The following RASGEF1A variants were observed in gnomAD, a reference collection of about 807,000 sequenced individuals.
RASGEF1A encodes RasGEF domain family member 1A, also known as ras-GEF domain-containing family member 1A.
RASGEF1A carries 18 observed loss-of-function variants against 56.4 expected under a neutral mutation model. That is an observed-to-expected ratio of 0.32 (90% CI 0.22 to 0.47). RASGEF1A has a LOEUF of 0.47. Ranked by LOEUF, RASGEF1A falls within the 20% of genes least tolerant of loss-of-function variation. The pLI, the probability that RASGEF1A is intolerant of heterozygous loss-of-function variation, is 1.00. For synonymous variants in RASGEF1A, 245 were observed against 242.6 expected (o/e 1.01, Z -0.09); for missense variants, 422 against 627.1 (o/e 0.67, Z 3.49).
chr10:43,243,378 C>T (rs1318697801), intron 1 of RASGEF1A, among the ~76,000 whole-genome samples: 2 of 150,682 alleles, frequency 1.3e-5, no homozygotes, highest in Non-Finnish European at 3.0e-5. Flanking sequence ...GCTGCCCCGT[C>T]CGGGAGGTGA....
At chr10:43,197,386 G>T (rs1384624722) in intron 10 of RASGEF1A, among the ~76,000 whole-genome samples, 1 of 152,228 alleles carries the variant, frequency 6.6e-6, no homozygotes, top group East Asian at 1.9e-4. Flanking sequence ...AGGCCCCACT[G>T]ATAACTCCAG....
chr10:43,253,204 C>T (rs1347271906), intron 1 of RASGEF1A, among the ~76,000 whole-genome samples: 1 of 152,238 alleles, frequency 6.6e-6, no homozygotes, highest in Non-Finnish European at 1.5e-5. Context: ...CCCCCACCAC[C>T]TCATCCTGAT....
At chr10:43,256,426 A>C (rs1836406683) in intron 1 of RASGEF1A, among the ~76,000 whole-genome samples, 1 of 152,214 alleles carries the variant, frequency 6.6e-6, no homozygotes, top group Non-Finnish European at 1.5e-5. Flanking sequence ...GAACAGGAAC[A>C]GGAACCTCAG....
At chr10:43,200,282 G>A (rs769781583) in intron 5 of RASGEF1A, 26 bp from the exon 6 acceptor site, 2 of 1,580,132 alleles carry the variant, frequency 1.3e-6, no homozygotes, top group East Asian at 2.3e-5. Context: ...GCAAAGGGAA[G>A]GTGACAAGCT....
intron 1 of RASGEF1A, among the ~76,000 whole-genome samples, chr10:43,255,962 G>A: frequency 6.6e-6 from 1 of 152,206 alleles, no homozygotes; most frequent in Non-Finnish European, 1.5e-5. Context: ...TCCCCTGGTT[G>A]CCAACAATGC....
intron 1 of RASGEF1A, among the ~76,000 whole-genome samples, chr10:43,260,594 G>A (rs185268684): frequency 3.8e-4 from 58 of 152,154 alleles, no homozygotes; most frequent in Middle Eastern, 3.4e-3. Context: ...GCTAGGGTCC[G>A]CCCCCCTCTC....
At chr10:43,228,095 C>A (rs909472357) in intron 1 of RASGEF1A, among the ~76,000 whole-genome samples, 3 of 152,192 alleles carry the variant, frequency 2.0e-5, no homozygotes, top group African/African-American at 7.2e-5. Context: ...GTCACCCCCA[C>A]TGGCTCCCCC....
intron 1 of RASGEF1A, among the ~76,000 whole-genome samples, chr10:43,230,029 T>C (rs1429039686): frequency 6.6e-6 from 1 of 151,176 alleles, no homozygotes; most frequent in African/African-American, 2.4e-5. Flanking sequence ...GGACGGGGCG[T>C]CCGGGATCGG....
intron 4 of RASGEF1A, among the ~76,000 whole-genome samples, chr10:43,201,433 G>C (rs1226964270): frequency 6.6e-6 from 1 of 152,182 alleles, no homozygotes; most frequent in African/African-American, 2.4e-5. Context: ...TTGAAAAATG[G>C]GAGACCGGTT....
At chr10:43,233,235 T>C (rs746606064) in intron 1 of RASGEF1A, among the ~76,000 whole-genome samples, 4 of 152,228 alleles carry the variant, frequency 2.6e-5, no homozygotes, top group African/African-American at 9.6e-5. Context: ...CTTTGTTTTG[T>C]TGACTGCTAC....
rs1300788412 is a variant in RASGEF1A, at chr10:43,196,132, A to G, written c.*112T>C. ...TTACCATTTTTTTCTCATAAAAGTTATATACAAAATGGACCCCAACCAGTG... is the reference window on the plus strand; with the variant it reads ...TTACCATTTTTTTCTCATAAAAGTTGTATACAAAATGGACCCCAACCAGTG... On this transcript the variant is annotated 3_prime_UTR_variant, in exon 13 of 13. Transcript: ENST00000395810. This position sits in a 1 kb window ranked among gnomAD's most constrained non-coding sequence, Gnocchi z 4.6. The G allele has an allele frequency of 1.3e-5, 13 of 971,888 alleles. No individual in the cohort carries two copies. Among genetic ancestry groups the G allele is most frequent in the Non-Finnish European group, 2.0e-5 (13 of 643,714 alleles). The allele number at this position is 971,888 out of a possible 1,614,324, so 60.2% of individuals were successfully genotyped here.
chr10:43,263,850 C>A (rs1361643085), intron 1 of RASGEF1A, among the ~76,000 whole-genome samples: 1 of 152,162 alleles, frequency 6.6e-6, no homozygotes, highest in Non-Finnish European at 1.5e-5. Context: ...CCCTGCCTGG[C>A]TTCCCTCTCC....
At chr10:43,234,461 G>T (rs1179289472) in intron 1 of RASGEF1A, among the ~76,000 whole-genome samples, 3 of 152,190 alleles carry the variant, frequency 2.0e-5, no homozygotes, top group Admixed American at 6.5e-5. Context: ...TTTGGAGGAT[G>T]GAAGGTGGCC....
chr10:43,241,377 C>T (rs1359177340), intron 1 of RASGEF1A, among the ~76,000 whole-genome samples: 1 of 152,012 alleles, frequency 6.6e-6, no homozygotes, highest in Non-Finnish European at 1.5e-5. Flanking sequence ...AATTTTATGG[C>T]AGTAACAGCA....
Position 43,203,341 on chromosome 10 carries a change from A to G in RASGEF1A, c.278T>C (p.Ile93Thr), listed in dbSNP as rs1383525883. ...PHDLLARVGQ[I>T]CVEQKQQLEA... Reference sequence around the variant, plus strand: ...CAGCTGCTGCTTCTGCTCCACGCAGATCTGCCCCACGCGGGCCAGCAGGTC... The same window carrying G: ...CAGCTGCTGCTTCTGCTCCACGCAGGTCTGCCCCACGCGGGCCAGCAGGTC... Residue 93 changes from isoleucine (I) to threonine (T), a missense_variant, in exon 3 of 13, where the codon ATC becomes ACC. Physicochemically the swap from Ile to Thr is moderately conservative, Grantham distance 89. Coordinates refer to ENST00000395810, the MANE Select transcript of RASGEF1A (RefSeq NM_145313.4). 1 of 1,581,112 alleles carries G rather than the reference A, an allele frequency of 6.3e-7. No homozygotes were observed.
At chr10:43,239,775 G>C (rs1404578474) in intron 1 of RASGEF1A, among the ~76,000 whole-genome samples, 2 of 152,210 alleles carry the variant, frequency 1.3e-5, no homozygotes, top group Non-Finnish European at 2.9e-5. Flanking sequence ...TTACAAGGAT[G>C]TCTGTATTTG....
intron 1 of RASGEF1A, among the ~76,000 whole-genome samples, chr10:43,265,265 C>G (rs1054439637): frequency 6.6e-6 from 1 of 152,252 alleles, no homozygotes; most frequent in African/African-American, 2.4e-5. Flanking sequence ...CTCGAAGATG[C>G]CTCCCAGAGA....
rs564737715 is a variant in RASGEF1A, at chr10:43,202,820, G to C, written c.321+478C>G. 1.4e-4 allele frequency: 58 copies of C among 426,050 alleles called. 1 individual carries two copies. Among genetic ancestry groups the C allele is most frequent in the African/African-American group, 1.1e-3 (53 of 49,230 alleles). The allele number at this position is 426,050 out of a possible 1,614,324, so 26.4% of individuals were successfully genotyped here. A position where few individuals can be genotyped will look rare whatever the true frequency, so the allele number is the denominator to read the frequency against. Reference sequence around the variant, plus strand: ...CCAGCCCAGACCTCACCCCAGCCTGGTGTGGCGTCACGCCCCAACTCAGAC... The same window carrying C: ...CCAGCCCAGACCTCACCCCAGCCTGCTGTGGCGTCACGCCCCAACTCAGAC... On this transcript the variant is annotated intron_variant, in intron 3 of 12. Coordinates refer to ENST00000395810, the MANE Select transcript of RASGEF1A (RefSeq NM_145313.4).
Position 43,196,897 on chromosome 10 carries a change from G to A in RASGEF1A, c.1348+79C>T, listed in dbSNP as rs1839806850. 6.4e-7 allele frequency: 1 copy of A among 1,558,258 alleles called. No individual in the cohort carries two copies. Among genetic ancestry groups the A allele is most frequent in the Admixed American group, 1.8e-5 (1 of 56,906 alleles). On this transcript the variant is annotated intron_variant, in intron 11 of 12. Transcript: ENST00000395810. The surrounding 1 kb of genome is among the most constrained non-coding windows in gnomAD (Gnocchi z 4.6). ...GAGCAGCCAGCAGGCCATCTCCCAGGGCAACCCCAAAGAGCACCGGGCCTG... is the reference window on the plus strand; with the variant it reads ...GAGCAGCCAGCAGGCCATCTCCCAGAGCAACCCCAAAGAGCACCGGGCCTG...
Sources: gnomAD v4.1 joint callset for allele counts (sites outside exome capture counted in the v4.1 genomes callset) on GRCh38, gnomAD v4.1.1 for gene constraint, Gnocchi (gnomAD v3.1) non-coding constraint, MANE v1.5 for transcripts, NCBI Gene and HGNC (gene_info 2026-07-23, HGNC 2026-07-21) for gene names.